Variants in ANKS1B observed in about 807,000 individuals in gnomAD.
ANKS1B encodes the protein ankyrin repeat and sterile alpha motif domain containing 1B.
Under a neutral mutation model 148.3 loss-of-function variants are expected in ANKS1B, and 36 were observed. The ratio of observed to expected loss-of-function variants is 0.24; its 90% CI spans 0.19 to 0.32. The LOEUF (loss-of-function observed/expected upper bound fraction) is 0.32. ANKS1B is among the 10% of genes least tolerant of loss of function. The probability of loss-of-function intolerance (pLI) is 1.00; values close to 1 mark genes in which losing one functional copy is unlikely to be tolerated. For missense variants in ANKS1B, 1,157 were observed against 1,542.6 expected (o/e 0.75, Z 4.19); for synonymous variants, 542 against 560.8 (o/e 0.97, Z 0.47).
intron 17 of ANKS1B, among the ~76,000 whole-genome samples, chr12:98,864,351 C>T (rs565447654): frequency 1.3e-5 from 2 of 152,274 alleles, no homozygotes; most frequent in Non-Finnish European, 2.9e-5. Flanking sequence ...GTTAACTACA[C>T]AGTAGTCACC....
chr12:99,176,918 A>G (rs908062252), intron 14 of ANKS1B, among the ~76,000 whole-genome samples: 2 of 152,158 alleles, frequency 1.3e-5, no homozygotes, highest in Non-Finnish European at 2.9e-5. Context: ...TTTTCTTTAT[A>G]AATTACATAG....
chr12:99,315,632 T>A (rs1191971511), intron 12 of ANKS1B, among the ~76,000 whole-genome samples: 2 of 152,198 alleles, frequency 1.3e-5, no homozygotes, highest in African/African-American at 4.8e-5. Context: ...TTTGGTGATT[T>A]TTTGTATATT....
At chr12:99,887,497 G>A (rs550716908) in intron 1 of ANKS1B, among the ~76,000 whole-genome samples, 36 of 152,078 alleles carry the variant, frequency 2.4e-4, no homozygotes, top group African/African-American at 6.5e-4. Flanking sequence ...TATTTCCAGC[G>A]GCATCATGAT....
At chr12:99,544,778 A>G (rs185982515) in intron 9 of ANKS1B, among the ~76,000 whole-genome samples, 1 of 152,266 alleles carries the variant, frequency 6.6e-6, no homozygotes, top group Admixed American at 6.5e-5. Context: ...TCACCTCCCA[A>G]CAACCCTCCA....
In ANKS1B at chr12:99,406,178, A is replaced by G. The variant is rs1002077593; in HGVS notation, c.1576-6367T>C. 1.4e-5 allele frequency among the ~76,000 whole-genome samples: 2 copies of G among 145,630 alleles called. 1 individual carries two copies. The highest frequency in any genetic ancestry group is 5.2e-5 in the African/African-American group (2 of 38,490). On this transcript the variant is annotated intron_variant, in intron 11 of 26. Coordinates refer to ENST00000683438, the MANE Select transcript of ANKS1B (RefSeq NM_001352186.2). ...GTACTATAGGTCAAATGGGCTTAATAGGTATCTACAGAACATTTCAATGAA... is the reference window on the plus strand; with the variant it reads ...GTACTATAGGTCAAATGGGCTTAATGGGTATCTACAGAACATTTCAATGAA...
intron 1 of ANKS1B, among the ~76,000 whole-genome samples, chr12:99,851,015 T>C (rs1477392838): frequency 6.6e-6 from 1 of 152,128 alleles, no homozygotes; most frequent in Non-Finnish European, 1.5e-5. Context: ...TTTTCAATTC[T>C]AAGCATAAGT....
chr12:99,276,884 T>G (rs563927409), intron 12 of ANKS1B, among the ~76,000 whole-genome samples: 95 of 152,346 alleles, frequency 6.2e-4, no homozygotes, highest in African/African-American at 2.1e-3. Flanking sequence ...TTTAATAGTC[T>G]TGTAATATTT....
chr12:99,556,888 G>A (rs947462956), intron 9 of ANKS1B, among the ~76,000 whole-genome samples: 5 of 152,094 alleles, frequency 3.3e-5, no homozygotes, highest in Non-Finnish European at 7.4e-5. Context: ...TAGAATATGC[G>A]CCATGTGCAG....
intron 9 of ANKS1B, among the ~76,000 whole-genome samples, chr12:99,522,297 A>G (rs2096882857): frequency 6.6e-6 from 1 of 152,106 alleles, no homozygotes; most frequent in Non-Finnish European, 1.5e-5. Flanking sequence ...TGTGCCACCT[A>G]AATTTACAGC....
chr12:99,157,006 G>A (rs1220075138), intron 14 of ANKS1B, among the ~76,000 whole-genome samples: 2 of 152,088 alleles, frequency 1.3e-5, no homozygotes, highest in South Asian at 2.1e-4. Context: ...ATTTTTTCAT[G>A]TCTGTCTTTT....
In ANKS1B at chr12:99,403,152, CTTTTTTTTTTTTTTTTTTTT is replaced by C. The variant is rs143800860; in HGVS notation, c.1576-3361_1576-3342del. Among the ~76,000 whole-genome samples the C allele has an allele frequency of 2.5e-4, 18 of 73,152 alleles. 1 individual carries two copies. The highest frequency in any genetic ancestry group is 1.1e-3 in the African/African-American group (17 of 15,318). 48.0% of individuals were successfully genotyped at this position (73,152 alleles called of 152,430 possible). A position where few individuals can be genotyped will look rare whatever the true frequency, so the allele number is the denominator to read the frequency against. On this transcript the variant is annotated intron_variant, in intron 11 of 26. Transcript: ENST00000683438. ...CAGCAGTGTCTGTTCACTTTTCTTT[CTTTTTTTTTTTTTTTTTTTT>C]TTTTTTGAGACGGAGTCTCTATCAC...
intron 1 of ANKS1B, among the ~76,000 whole-genome samples, chr12:99,972,415 G>C (rs983961690): frequency 6.6e-6 from 1 of 152,204 alleles, no homozygotes; most frequent in Non-Finnish European, 1.5e-5. Flanking sequence ...TGATAAGAAA[G>C]CCGAAGAGCC....
intron 11 of ANKS1B, among the ~76,000 whole-genome samples, chr12:99,415,360 T>A (rs2094863449): frequency 6.6e-6 from 1 of 152,164 alleles, no homozygotes; most frequent in Non-Finnish European, 1.5e-5. Context: ...ATTTGTTTCA[T>A]CTTAGGAACA....
intron 9 of ANKS1B, among the ~76,000 whole-genome samples, chr12:99,517,453 C>T (rs542218084): frequency 1.6e-4 from 25 of 151,570 alleles, no homozygotes; most frequent in Non-Finnish European, 3.7e-4. Context: ...TGTGGTGGCT[C>T]ACACCTGTAA....
At chr12:98,795,726 T>C (rs1292376589) in intron 22 of ANKS1B, 1 of 432,682 alleles carries the variant, frequency 2.3e-6, no homozygotes, top group Admixed American at 2.7e-5. Flanking sequence ...TGAATGTTCC[T>C]GGCACATTGG....
exon 10 of ANKS1B, chr12:98,735,440 G>T (rs1240034241): frequency 3.4e-5 from 15 of 436,100 alleles, no homozygotes; most frequent in South Asian, 7.5e-5. Flanking sequence ...AACATTTTTG[G>T]ATTGTTTCAT....
chr12:99,646,415 T>TG (rs1196118169), intron 9 of ANKS1B, among the ~76,000 whole-genome samples: 1 of 152,056 alleles, frequency 6.6e-6, no homozygotes, highest in East Asian at 1.9e-4. Flanking sequence ...TCCCAGCACT[T>TG]GGGGGGCCAA....
intron 14 of ANKS1B, among the ~76,000 whole-genome samples, chr12:99,216,581 GCTGTCACTT>G (rs1214263814): frequency 6.6e-6 from 1 of 152,214 alleles, no homozygotes; most frequent in African/African-American, 2.4e-5. Flanking sequence ...CATGAGCTTT[GCTGTCACTT>G]AACTGAGTAG....
intron 9 of ANKS1B, among the ~76,000 whole-genome samples, chr12:99,520,357 A>G (rs2096863210): frequency 6.6e-6 from 1 of 152,212 alleles, no homozygotes; most frequent in Non-Finnish European, 1.5e-5. Flanking sequence ...ATTCCTGGGT[A>G]AAAGTTTTTT....
Sources: gnomAD v4.1 joint callset for allele counts (sites outside exome capture counted in the v4.1 genomes callset) on GRCh38, gnomAD v4.1.1 for gene constraint, MANE v1.5 for transcripts, NCBI Gene and HGNC (gene_info 2026-07-23, HGNC 2026-07-21) for gene names.